DERA: variants seen among roughly 807,000 people sequenced by gnomAD.
DERA encodes deoxyribose-phosphate aldolase.
DERA carries 15 observed loss-of-function variants against 41.1 expected under a neutral mutation model. That is an observed-to-expected ratio of 0.37 (90% CI 0.24 to 0.56). The LOEUF (loss-of-function observed/expected upper bound fraction) is 0.56, where lower values mean the gene tolerates loss of function less well. Ranked by LOEUF, DERA falls within the 20% of genes least tolerant of loss-of-function variation. The pLI is 0.81. For missense variants in DERA, 396 were observed against 403.4 expected, an observed-to-expected ratio of 0.98 and a Z score of 0.16; for synonymous variants, 139 against 137.4, an observed-to-expected ratio of 1.01 and a Z score of -0.08.
intron 3 of DERA, 100 bp downstream of exon 3, chr12:15,958,435 T>C: frequency 1.1e-6 from 1 of 893,192 alleles, no homozygotes; most frequent in Non-Finnish European, 1.6e-6. Context: ...ATAGCGGTGA[T>C]AGAATCCATG....
At chr12:15,969,019 T>A (rs562692696) in intron 5 of DERA, among the ~76,000 whole-genome samples, 1 of 152,360 alleles carries the variant, frequency 6.6e-6, no homozygotes, top group South Asian at 2.1e-4. Flanking sequence ...TACAACCCTT[T>A]AGAGCTATAA....
chr12:15,983,539 G>A lies in DERA; in HGVS notation c.637+1103G>A, dbSNP rs7301938. 0.62 allele frequency among the ~76,000 whole-genome samples: 94,828 copies of A among 151,984 alleles called. 29,940 individuals carry two copies. Among genetic ancestry groups the A allele is most frequent in the East Asian group, 0.82 (4,239 of 5,162 alleles). On this transcript the variant is annotated intron_variant, in intron 6 of 8. Coordinates refer to ENST00000428559, the MANE Select transcript of DERA (RefSeq NM_015954.4). This position sits in a 1 kb window ranked among gnomAD's most constrained non-coding sequence, Gnocchi z 6.2. ...TTCCCCTGACACTGCTTCTCCCCCTGCTGTTTGGCCCATTATCTCCTCTGT... is the reference window on the plus strand; with the variant it reads ...TTCCCCTGACACTGCTTCTCCCCCTACTGTTTGGCCCATTATCTCCTCTGT...
intron 1 of DERA, among the ~76,000 whole-genome samples, chr12:15,920,638 T>C (rs1948236318): frequency 6.6e-6 from 1 of 151,610 alleles, no homozygotes; most frequent in African/African-American, 2.4e-5. Context: ...ATTGAGACCA[T>C]CCTGGCCAAC....
intron 1 of DERA, among the ~76,000 whole-genome samples, chr12:15,951,209 CTAAG>C (rs771869886): frequency 9.1e-4 from 139 of 152,350 alleles, no homozygotes; most frequent in Non-Finnish European, 1.6e-3. Flanking sequence ...AGAGCAGGCT[CTAAG>C]TAGAGTGTGG....
chr12:15,949,784 C>T lies in DERA; in HGVS notation c.32-7152C>T, dbSNP rs536229195. ...AAATGCAGAAATCACCCGTCTTCTG[C>T]GTTGCTCATGCTGGGAGCTGTAGAC... On this transcript the variant is annotated intron_variant, in intron 1 of 8. Coordinates refer to ENST00000428559, the MANE Select transcript of DERA (RefSeq NM_015954.4). Among the ~76,000 whole-genome samples, 14 of 152,318 alleles carry T rather than the reference C, an allele frequency of 9.2e-5. No individual in the cohort carries two copies. The South Asian group carries it at 1.9e-3, about 20-fold the overall frequency.
rs1305627911 is a variant in DERA, at chr12:15,943,392, CT to C, written c.32-13541del. Among the ~76,000 whole-genome samples, 2 of 152,238 alleles carry C rather than the reference CT, an allele frequency of 1.3e-5. No homozygotes were observed. The highest frequency in any genetic ancestry group is 6.5e-5 in the Admixed American group (1 of 15,282). ...GCTCTTGCTTGAGCTTCCTACTTGA[CT>C]TTCGCACCACAGCCAGAGGGGTTAT... On this transcript the variant is annotated intron_variant, in intron 1 of 8. Transcript: ENST00000428559. The surrounding 1 kb of genome is among the most constrained non-coding windows in gnomAD (Gnocchi z 4.5).
intron 1 of DERA, among the ~76,000 whole-genome samples, chr12:15,945,750 C>T (rs1948442528): frequency 6.6e-6 from 1 of 152,202 alleles, no homozygotes; most frequent in African/African-American, 2.4e-5. Flanking sequence ...CTGGCCGGAA[C>T]TTCCAACACT....
chr12:15,930,283 G>A (rs1339724929), intron 1 of DERA, among the ~76,000 whole-genome samples: 1 of 152,164 alleles, frequency 6.6e-6, no homozygotes, highest in Non-Finnish European at 1.5e-5. Flanking sequence ...GAGCCTCAAT[G>A]TGTGCTAGGA....
chr12:16,008,258 A>G lies in DERA; in HGVS notation c.638-24284A>G, dbSNP rs549184259. Reference sequence around the variant, plus strand: ...TCAGATGGTTGTTTCTCAAACAGGAATCCTACTACTCCGTGGCTTCTCACT... The same window carrying G: ...TCAGATGGTTGTTTCTCAAACAGGAGTCCTACTACTCCGTGGCTTCTCACT... On this transcript the variant is annotated intron_variant, in intron 6 of 8. Transcript: ENST00000428559. This position sits in a 1 kb window ranked among gnomAD's most constrained non-coding sequence, Gnocchi z 4.8. 1.3e-4 allele frequency among the ~76,000 whole-genome samples: 20 copies of G among 152,324 alleles called. No homozygotes were observed. The highest frequency in any genetic ancestry group is 1.9e-4 in the Non-Finnish European group (13 of 68,036).
chr12:16,027,065 T>C (rs895026086), intron 6 of DERA, among the ~76,000 whole-genome samples: 3 of 152,192 alleles, frequency 2.0e-5, no homozygotes, highest in African/African-American at 7.2e-5. Context: ...CAATTGATAC[T>C]GACAAGGCAT....
rs912031232 is a variant in DERA, at chr12:16,009,663, T to C, written c.638-22879T>C. Among the ~76,000 whole-genome samples the C allele has an allele frequency of 2.6e-5, 4 of 152,348 alleles. No individual in the cohort carries two copies. Among genetic ancestry groups the C allele is most frequent in the Admixed American group, 2.6e-4 (4 of 15,306 alleles). Reference sequence around the variant, plus strand: ...GAATTTTTTTCTCACTAAGGTTTTATATTTTTAAGTTATCCATGTATTCAT... The same window carrying C: ...GAATTTTTTTCTCACTAAGGTTTTACATTTTTAAGTTATCCATGTATTCAT... On this transcript the variant is annotated intron_variant, in intron 6 of 8. Coordinates refer to ENST00000428559, the MANE Select transcript of DERA (RefSeq NM_015954.4). This position sits in a 1 kb window ranked among gnomAD's most constrained non-coding sequence, Gnocchi z 5.3.
Position 16,036,873 on chromosome 12 carries a change from C to T in DERA, c.*127C>T. On this transcript the variant is annotated 3_prime_UTR_variant, in exon 9 of 9. Transcript: ENST00000428559. The surrounding 1 kb of genome is among the most constrained non-coding windows in gnomAD (Gnocchi z 4.9). Reference sequence around the variant, plus strand: ...ACTGGCATTCCTCTCTTTAAAATTTCTACCGAACTTAATGGAATGGAAAAA... The same window carrying T: ...ACTGGCATTCCTCTCTTTAAAATTTTTACCGAACTTAATGGAATGGAAAAA... The T allele has an allele frequency of 1.4e-6, 1 of 700,954 alleles. No individual in the cohort carries two copies. The highest frequency in any genetic ancestry group is 1.8e-5 in the South Asian group (1 of 55,720). 43.4% of individuals were successfully genotyped at this position (700,954 alleles called of 1,614,324 possible). A position where few individuals can be genotyped will look rare whatever the true frequency, so the allele number is the denominator to read the frequency against.
chr12:15,985,648 A>G lies in DERA; in HGVS notation c.637+3212A>G, dbSNP rs1007435336. Reference sequence around the variant, plus strand: ...TTTGTTATTTAGAGTGCTATTTACAATGAGATATTTACTTTCCAAATATTT... The same window carrying G: ...TTTGTTATTTAGAGTGCTATTTACAGTGAGATATTTACTTTCCAAATATTT... On this transcript the variant is annotated intron_variant, in intron 6 of 8. Coordinates refer to ENST00000428559, the MANE Select transcript of DERA (RefSeq NM_015954.4). This position sits in a 1 kb window ranked among gnomAD's most constrained non-coding sequence, Gnocchi z 4.2. 5.2e-4 allele frequency among the ~76,000 whole-genome samples: 79 copies of G among 152,004 alleles called. No individual in the cohort carries two copies. The highest frequency in any genetic ancestry group is 1.7e-3 in the African/African-American group (72 of 41,388).
At chr12:15,939,817 C>G (rs1366655470) in intron 1 of DERA, among the ~76,000 whole-genome samples, 1 of 152,150 alleles carries the variant, frequency 6.6e-6, no homozygotes, top group African/African-American at 2.4e-5. Context: ...TGTGTATTGC[C>G]ATGAAGAAAG....
At chr12:15,942,353 C>T (rs1948414881) in intron 1 of DERA, among the ~76,000 whole-genome samples, 1 of 152,062 alleles carries the variant, frequency 6.6e-6, no homozygotes, top group African/African-American at 2.4e-5. Context: ...TGTGCAGAAG[C>T]TTCTTAGTTT....
At chr12:15,937,157 T>C (rs1412323202) in intron 1 of DERA, among the ~76,000 whole-genome samples, 1 of 152,148 alleles carries the variant, frequency 6.6e-6, no homozygotes, top group African/African-American at 2.4e-5. Flanking sequence ...GGTCTCACCA[T>C]ATTGCCCAGG....
rs1949134913 is a variant in DERA, at chr12:16,037,174, C to T, written c.*428C>T. The T allele has an allele frequency of 6.5e-6, 1 of 153,718 alleles. No homozygotes were observed. The highest frequency in any genetic ancestry group is 2.4e-5 in the African/African-American group (1 of 41,492). 9.5% of individuals were successfully genotyped at this position (153,718 alleles called of 1,614,324 possible). On this transcript the variant is annotated 3_prime_UTR_variant, in exon 9 of 9. Transcript: ENST00000428559. The surrounding 1 kb of genome is among the most constrained non-coding windows in gnomAD (Gnocchi z 6.7). ...CAGCACTAATTTCCTGCTGTGAAAA[C>T]TCATCTTTCATTTTTGCCGTGGATA...
intron 1 of DERA, among the ~76,000 whole-genome samples, chr12:15,919,776 CAA>C (rs1434492597): frequency 6.6e-6 from 1 of 152,180 alleles, no homozygotes; most frequent in Admixed American, 6.5e-5. Flanking sequence ...AAGTCTAAGA[CAA>C]GAGTAGCTGC....
chr12:15,923,497 C>T (rs1948260718), intron 1 of DERA, among the ~76,000 whole-genome samples: 1 of 152,158 alleles, frequency 6.6e-6, no homozygotes, highest in Admixed American at 6.5e-5. Context: ...ATAATCTTCT[C>T]TGGCTTTCAA....
Sources: allele counts gnomAD v4.1 joint callset (sites outside exome capture counted in the v4.1 genomes callset), GRCh38; gene constraint gnomAD v4.1.1; non-coding constraint Gnocchi (gnomAD v3.1); transcripts MANE v1.5; gene names NCBI Gene and HGNC (gene_info 2026-07-23, HGNC 2026-07-21).